CNTN5: variants seen among roughly 807,000 people sequenced by gnomAD.
CNTN5 encodes contactin-5.
Under a neutral mutation model 129.1 loss-of-function variants are expected in CNTN5, and 77 were observed. That is an observed-to-expected ratio of 0.60 (90% confidence interval 0.50 to 0.72). The LOEUF is 0.72. Ranked by LOEUF, CNTN5 falls within the 30% of genes least tolerant of loss-of-function variation. CNTN5 has a pLI of 0.00. For missense variants in CNTN5, 1,478 were observed against 1,328.8 expected, an observed-to-expected ratio of 1.11 and a Z score of -1.75; for synonymous variants, 509 against 465.6, an observed-to-expected ratio of 1.09 and a Z score of -1.20.
intron 9 of CNTN5, among the ~76,000 whole-genome samples, chr11:100,037,481 A>G (rs1018124572): frequency 6.6e-6 from 1 of 152,212 alleles, no homozygotes; most frequent in African/African-American, 2.4e-5. Flanking sequence ...TGCTGGCCTC[A>G]TAAAATGAGT....
intron 4 of CNTN5, among the ~76,000 whole-genome samples, chr11:99,831,039 T>C (rs1947123836): frequency 6.6e-6 from 1 of 152,156 alleles, no homozygotes; most frequent in Non-Finnish European, 1.5e-5. Flanking sequence ...GAAAGAATAA[T>C]GTCCACCTTC....
chr11:99,951,421 C>T (rs1476828074), intron 7 of CNTN5, among the ~76,000 whole-genome samples: 1 of 151,958 alleles, frequency 6.6e-6, no homozygotes, highest in African/African-American at 2.4e-5. Context: ...ATCTCAGTTC[C>T]CACCCCAAAT....
chr11:99,987,181 T>C (rs1017472969), intron 8 of CNTN5, among the ~76,000 whole-genome samples: 1 of 152,070 alleles, frequency 6.6e-6, no homozygotes, highest in Non-Finnish European at 1.5e-5. Context: ...GATTCACTAA[T>C]TGTCATCAAA....
At chr11:100,233,472 A>C (rs1949537595) in intron 16 of CNTN5, among the ~76,000 whole-genome samples, 1 of 152,232 alleles carries the variant, frequency 6.6e-6, no homozygotes, top group South Asian at 2.1e-4. Context: ...GCACTTTGTC[A>C]TTACCATCTA....
intron 8 of CNTN5, among the ~76,000 whole-genome samples, chr11:99,960,519 A>C (rs2136185251): frequency 6.6e-6 from 1 of 152,280 alleles, no homozygotes; most frequent in South Asian, 2.1e-4. Flanking sequence ...CCAGGTTTTT[A>C]AGCCACTTCC....
chr11:99,627,124 T>G lies in CNTN5; in HGVS notation c.55+70855T>G, dbSNP rs373852220. Among the ~76,000 whole-genome samples, 33 of 152,180 alleles carry G rather than the reference T, an allele frequency of 2.2e-4. 1 individual carries two copies. In the South Asian group the frequency reaches 6.4e-3, roughly 30 times the overall value. On this transcript the variant is annotated intron_variant, in intron 3 of 24. Coordinates refer to ENST00000524871, the MANE Select transcript of CNTN5 (RefSeq NM_014361.4). ...GAAGCCTGTCCCCTGAGAGGCTCGC[T>G]GTTCGTGTTGCAGGCAGCGAAAATT... is the stretch of plus-strand genomic sequence containing the variant.
intron 13 of CNTN5, among the ~76,000 whole-genome samples, chr11:100,115,136 A>AAAAG (rs1555012582): frequency 3.3e-4 from 50 of 150,166 alleles, no homozygotes; most frequent in African/African-American, 1.1e-3. Flanking sequence ...AAAAAAAAAA[A>AAAAG]AAAGAAAGAA....
intron 2 of CNTN5, among the ~76,000 whole-genome samples, chr11:99,447,197 T>C (rs942202056): frequency 2.0e-5 from 3 of 152,202 alleles, no homozygotes; most frequent in Admixed American, 2.0e-4. Context: ...TATATCTACC[T>C]CAGAGAAGCT....
chr11:99,576,880 C>T (rs1949367347), intron 3 of CNTN5, among the ~76,000 whole-genome samples: 1 of 152,140 alleles, frequency 6.6e-6, no homozygotes, highest in South Asian at 2.1e-4. Context: ...CCAAAGTTCT[C>T]ATCTCTTCAT....
intron 1 of CNTN5, among the ~76,000 whole-genome samples, chr11:99,119,636 C>A (rs1251913550): frequency 6.6e-6 from 1 of 152,096 alleles, no homozygotes; most frequent in Non-Finnish European, 1.5e-5. Flanking sequence ...AATTTATATT[C>A]ATTTCGGTAT....
intron 6 of CNTN5, among the ~76,000 whole-genome samples, chr11:99,872,130 A>G (rs1370295522): frequency 6.6e-6 from 1 of 151,996 alleles, no homozygotes; most frequent in Non-Finnish European, 1.5e-5. Context: ...AATACTTTTG[A>G]AATATATCAA....
intron 13 of CNTN5, among the ~76,000 whole-genome samples, chr11:100,085,376 C>T (rs1302552742): frequency 2.6e-5 from 4 of 152,014 alleles, no homozygotes; most frequent in African/African-American, 9.7e-5. Context: ...TTTGGGATAA[C>T]ATTCCCAAAA....
intron 1 of CNTN5, among the ~76,000 whole-genome samples, chr11:99,069,143 T>A (rs551095257): frequency 1.3e-5 from 2 of 152,294 alleles, no homozygotes; most frequent in Admixed American, 1.3e-4. Context: ...AACTGACTTT[T>A]CCAGAGTTGA....
At chr11:99,637,048 G>A (rs11220772) in intron 3 of CNTN5, among the ~76,000 whole-genome samples, 54,302 of 82,832 alleles carry the variant, frequency 0.66, 16,894 homozygotes, top group Middle Eastern at 0.76. Flanking sequence ...AAAAGTAAAT[G>A]ACTCTGTATT....
intron 3 of CNTN5, among the ~76,000 whole-genome samples, chr11:99,692,182 G>C (rs1001082616): frequency 6.6e-6 from 1 of 152,084 alleles, no homozygotes; most frequent in Non-Finnish European, 1.5e-5. Flanking sequence ...AATGGTTCGT[G>C]GTTCTTTATC....
At chr11:99,197,701 T>C (rs1271607979) in intron 1 of CNTN5, among the ~76,000 whole-genome samples, 10 of 152,086 alleles carry the variant, frequency 6.6e-5, no homozygotes, top group African/African-American at 2.2e-4. Flanking sequence ...TCCTATACCT[T>C]TGCTTGCTCT....
At chr11:100,242,634 C>T (rs1445587593) in intron 16 of CNTN5, among the ~76,000 whole-genome samples, 1 of 152,162 alleles carries the variant, frequency 6.6e-6, no homozygotes. Context: ...CTCAGGAGAA[C>T]TCACCACCAC....
intron 13 of CNTN5, among the ~76,000 whole-genome samples, chr11:100,163,427 A>T (rs535918119): frequency 1.4e-3 from 206 of 151,978 alleles, no homozygotes; most frequent in African/African-American, 4.8e-3. Flanking sequence ...ATATATTTAC[A>T]TGATACAGCT....
At chr11:99,874,486 G>A (rs779108749) in intron 6 of CNTN5, among the ~76,000 whole-genome samples, 1 of 152,214 alleles carries the variant, frequency 6.6e-6, no homozygotes, top group East Asian at 1.9e-4. Flanking sequence ...CCTCAGGAGG[G>A]AATATCTAGT....
Sources: allele counts gnomAD v4.1 joint callset (sites outside exome capture counted in the v4.1 genomes callset), GRCh38; gene constraint gnomAD v4.1.1; transcripts MANE v1.5; gene names NCBI Gene and HGNC (gene_info 2026-07-23, HGNC 2026-07-21).